EFNA5: variants seen among roughly 807,000 people sequenced by gnomAD.
EFNA5 encodes the protein ephrin A5.
In EFNA5, 5 loss-of-function variants were observed where a neutral mutation model predicts 22.9. The observed-to-expected ratio is 0.22, with a 90% CI of 0.11 to 0.46. The LOEUF (loss-of-function observed/expected upper bound fraction) is 0.46. Ranked by LOEUF, EFNA5 falls within the 20% of genes least tolerant of loss-of-function variation. The probability of loss-of-function intolerance (pLI) is 0.99; values close to 1 mark genes in which losing one functional copy is unlikely to be tolerated. For missense variants in EFNA5, 237 were observed against 293.3 expected (o/e 0.81, Z 1.40); for synonymous variants, 113 against 112.2 (o/e 1.01, Z -0.04).
chr5:107,574,332 A>G (rs1038921850), intron 1 of EFNA5, among the ~76,000 whole-genome samples: 2 of 150,240 alleles, frequency 1.3e-5, no homozygotes, highest in Non-Finnish European at 3.0e-5. Context: ...TCTTTCTCTC[A>G]TATTGTAACA....
intron 1 of EFNA5, among the ~76,000 whole-genome samples, chr5:107,569,083 A>C (rs1440873347): frequency 6.6e-6 from 1 of 152,126 alleles, no homozygotes. Flanking sequence ...AGTTAAATCT[A>C]TACTTAGCAT....
intron 1 of EFNA5, among the ~76,000 whole-genome samples, chr5:107,569,413 A>T (rs1257112737): frequency 2.1e-5 from 3 of 144,626 alleles, no homozygotes; most frequent in Admixed American, 7.0e-5. Context: ...ATATATATAT[A>T]TTTATGTATA....
At chr5:107,650,021 A>G (rs568568116) in intron 1 of EFNA5, among the ~76,000 whole-genome samples, 23 of 152,276 alleles carry the variant, frequency 1.5e-4, no homozygotes, top group African/African-American at 5.3e-4. Context: ...TGTTTTTGCC[A>G]TGACTCAATC....
At chr5:107,569,431 A>G (rs168472) in intron 1 of EFNA5, among the ~76,000 whole-genome samples, 28,549 of 141,658 alleles carry the variant, frequency 0.2, 3,285 homozygotes, top group African/African-American at 0.28. Context: ...ATATGTGTGT[A>G]TATATATATT....
At chr5:107,411,342 A>G (rs2112402226) in intron 2 of EFNA5, among the ~76,000 whole-genome samples, 1 of 152,338 alleles carries the variant, frequency 6.6e-6, no homozygotes, top group South Asian at 2.1e-4. Context: ...AACAAAAAAA[A>G]TACTCTGAAG....
At chr5:107,505,970 G>C (rs1306371785) in intron 1 of EFNA5, among the ~76,000 whole-genome samples, 1 of 152,168 alleles carries the variant, frequency 6.6e-6, no homozygotes, top group Non-Finnish European at 1.5e-5. Context: ...ACAGAGCCAA[G>C]ATTTAAACCC....
chr5:107,498,591 G>A (rs991203262), intron 1 of EFNA5, among the ~76,000 whole-genome samples: 2 of 152,132 alleles, frequency 1.3e-5, no homozygotes, highest in Non-Finnish European at 2.9e-5. Flanking sequence ...ACATCGCCTC[G>A]GCTCATGAAG....
chr5:107,585,753 T>A (rs960205913), intron 1 of EFNA5, among the ~76,000 whole-genome samples: 4 of 152,184 alleles, frequency 2.6e-5, no homozygotes. Flanking sequence ...TCTCTTTCCA[T>A]GAGAGAAGTT....
intron 1 of EFNA5, among the ~76,000 whole-genome samples, chr5:107,448,173 G>T (rs1303118603): frequency 6.6e-6 from 1 of 152,160 alleles, no homozygotes; most frequent in South Asian, 2.1e-4. Context: ...TGTTAGTCCT[G>T]GAGAAGACAG....
chr5:107,666,173 C>A (rs747697673), intron 1 of EFNA5, among the ~76,000 whole-genome samples: 14 of 151,956 alleles, frequency 9.2e-5, no homozygotes, highest in Non-Finnish European at 1.6e-4. Flanking sequence ...AGATTTAAAC[C>A]ATGCTGATTT....
At chr5:107,443,460 T>A (rs1749312320) in intron 1 of EFNA5, among the ~76,000 whole-genome samples, 1 of 152,106 alleles carries the variant, frequency 6.6e-6, no homozygotes, top group African/African-American at 2.4e-5. Flanking sequence ...GGGAACAGAG[T>A]ATCATTCCCC....
At chr5:107,476,057 T>TATATATATATATATA in intron 1 of EFNA5, among the ~76,000 whole-genome samples, 9 of 100,370 alleles carry the variant, frequency 9.0e-5, no homozygotes, top group Non-Finnish European at 1.5e-4. Context: ...TATATATATA[T>TATATATATATATATA]TTTTTTTTTT....
chr5:107,402,132 A>G lies in EFNA5; in HGVS notation c.419-14361T>C, dbSNP rs561433659. Among the ~76,000 whole-genome samples the G allele has an allele frequency of 3.9e-5, 6 of 152,316 alleles. No homozygotes were observed. In the East Asian group the frequency reaches 1.2e-3, roughly 29 times the overall value. ...CTCCTTGGAGATATGTAGATATTCA[A>G]TTAGGGGTGTATGTGTGTGTAGGAG... On this transcript the variant is annotated intron_variant, in intron 2 of 4. Transcript: ENST00000333274.
intron 2 of EFNA5, among the ~76,000 whole-genome samples, chr5:107,424,664 T>C (rs1008477418): frequency 1.3e-5 from 2 of 152,152 alleles, no homozygotes; most frequent in East Asian, 3.8e-4. Flanking sequence ...TCTTGTAACG[T>C]AGTAAGTGTG....
intron 1 of EFNA5, among the ~76,000 whole-genome samples, chr5:107,536,314 A>G (rs1056913886): frequency 9.2e-5 from 14 of 152,214 alleles, no homozygotes. Flanking sequence ...AAGAAATCCT[A>G]ATTTAATAGG....
chr5:107,590,648 C>T (rs890227186), intron 1 of EFNA5, among the ~76,000 whole-genome samples: 4 of 152,088 alleles, frequency 2.6e-5, no homozygotes, highest in Non-Finnish European at 5.9e-5. Flanking sequence ...CCACCTCAGC[C>T]TCCCAAAGTG....
At chr5:107,554,347 G>A (rs964858494) in intron 1 of EFNA5, among the ~76,000 whole-genome samples, 1 of 152,026 alleles carries the variant, frequency 6.6e-6, no homozygotes, top group East Asian at 1.9e-4. Context: ...TTAAAGCTTC[G>A]AGCACCTTTT....
chr5:107,650,510 C>T (rs1375450233), intron 1 of EFNA5, among the ~76,000 whole-genome samples: 1 of 152,180 alleles, frequency 6.6e-6, no homozygotes, highest in African/African-American at 2.4e-5. Flanking sequence ...AGAGTCACTT[C>T]AAGCATCTAT....
intron 1 of EFNA5, among the ~76,000 whole-genome samples, chr5:107,501,085 T>G (rs923618160): frequency 2.0e-5 from 3 of 152,172 alleles, no homozygotes; most frequent in Admixed American, 2.0e-4. Flanking sequence ...AAGGACATAT[T>G]GTGTGCATAG....
Sources: allele counts gnomAD v4.1 joint callset (sites outside exome capture counted in the v4.1 genomes callset), GRCh38; gene constraint gnomAD v4.1.1; transcripts MANE v1.5; gene names NCBI Gene and HGNC (gene_info 2026-07-23, HGNC 2026-07-21).